The following ENOX1 variants were observed in gnomAD, a reference collection of about 807,000 sequenced individuals.
ENOX1 encodes ecto-NOX disulfide-thiol exchanger 1.
In ENOX1, 42 loss-of-function variants were observed where a neutral mutation model predicts 82.5. The ratio of observed to expected loss-of-function variants is 0.51; its 90% CI spans 0.40 to 0.66. ENOX1 has a LOEUF of 0.66. Among genes scored for constraint, ENOX1 ranks in the 30% least tolerant of loss-of-function variants. The probability of loss-of-function intolerance (pLI) is 0.00; values close to 1 mark genes in which losing one functional copy is unlikely to be tolerated. For missense variants in ENOX1, 608 were observed against 811.6 expected (o/e 0.75, Z 3.05); for synonymous variants, 271 against 282.2 (o/e 0.96, Z 0.40).
intron 16 of ENOX1, among the ~76,000 whole-genome samples, chr13:43,217,091 G>C (rs1238221708): frequency 6.6e-6 from 1 of 152,184 alleles, no homozygotes; most frequent in Non-Finnish European, 1.5e-5. Context: ...CCTCCTGGCT[G>C]TGGTGCCTTG....
chr13:43,705,409 GCAAA>G (rs1339197357), intron 1 of ENOX1, among the ~76,000 whole-genome samples: 2 of 142,786 alleles, frequency 1.4e-5, no homozygotes, highest in Non-Finnish European at 3.1e-5. Context: ...AGATAAGAAA[GCAAA>G]CAAATACATG....
intron 1 of ENOX1, among the ~76,000 whole-genome samples, chr13:43,743,497 T>C (rs1426192872): frequency 6.6e-6 from 1 of 152,186 alleles, no homozygotes; most frequent in Non-Finnish European, 1.5e-5. Flanking sequence ...GGTTCTCAGG[T>C]ATAAATCCTC....
intron 2 of ENOX1, among the ~76,000 whole-genome samples, chr13:43,633,684 GTGTA>G (rs1277870181): frequency 1.8e-4 from 8 of 45,648 alleles, no homozygotes; most frequent in Admixed American, 1.2e-3. Flanking sequence ...TTTAAAATGT[GTGTA>G]TGTGTGTGTG....
intron 3 of ENOX1, among the ~76,000 whole-genome samples, chr13:43,454,033 C>T (rs2057103281): frequency 6.6e-6 from 1 of 152,050 alleles, no homozygotes; most frequent in African/African-American, 2.4e-5. Flanking sequence ...CAGCTTCTTC[C>T]TCTCTTGTTT....
chr13:43,552,433 C>T (rs566940181), intron 2 of ENOX1, among the ~76,000 whole-genome samples: 1 of 151,982 alleles, frequency 6.6e-6, no homozygotes, highest in South Asian at 2.1e-4. Flanking sequence ...TAGCTTATTC[C>T]CTCCCTTCTT....
intron 8 of ENOX1, among the ~76,000 whole-genome samples, chr13:43,353,265 G>A (rs1257175389): frequency 6.6e-6 from 1 of 152,190 alleles, no homozygotes; most frequent in Non-Finnish European, 1.5e-5. Flanking sequence ...CATTGGACAG[G>A]ACATGGAGAG....
chr13:43,246,158 A>AT (rs948971802), intron 14 of ENOX1, among the ~76,000 whole-genome samples: 1 of 152,242 alleles, frequency 6.6e-6, no homozygotes, highest in Admixed American at 6.5e-5. Context: ...CTCAATTGTC[A>AT]TAAGTGCTCT....
intron 2 of ENOX1, among the ~76,000 whole-genome samples, chr13:43,627,781 C>T (rs188082828): frequency 7.9e-5 from 12 of 151,154 alleles, no homozygotes; most frequent in East Asian, 2.0e-4. Flanking sequence ...TTTTTCAAAT[C>T]GCATTTCTAG....
intron 2 of ENOX1, among the ~76,000 whole-genome samples, chr13:43,597,146 A>G (rs1297588369): frequency 2.6e-5 from 4 of 152,172 alleles, no homozygotes; most frequent in Admixed American, 2.0e-4. Flanking sequence ...CTTATCAGAT[A>G]ACCAGATCTT....
intron 2 of ENOX1, among the ~76,000 whole-genome samples, chr13:43,555,470 G>A (rs1403668483): frequency 6.6e-6 from 1 of 152,210 alleles, no homozygotes. Flanking sequence ...AATTGCTGAG[G>A]AAAGGCCAAA....
chr13:43,282,840 C>T (rs1423003545), intron 12 of ENOX1, among the ~76,000 whole-genome samples: 2 of 151,910 alleles, frequency 1.3e-5, no homozygotes, highest in Non-Finnish European at 2.9e-5. Context: ...TGCCTGTAAT[C>T]CCAGCACTTT....
intron 1 of ENOX1, among the ~76,000 whole-genome samples, chr13:43,711,433 C>T (rs1257779884): frequency 2.0e-5 from 3 of 152,100 alleles, no homozygotes; most frequent in African/African-American, 7.2e-5. Context: ...TGGGTATATA[C>T]CCAGTAATGG....
intron 12 of ENOX1, among the ~76,000 whole-genome samples, chr13:43,293,177 C>A (rs772682700): frequency 2.0e-5 from 3 of 152,028 alleles, no homozygotes; most frequent in Non-Finnish European, 4.4e-5. Context: ...GAGGTTACCA[C>A]CCCCCTCACA....
intron 2 of ENOX1, among the ~76,000 whole-genome samples, chr13:43,633,733 G>A (rs1243352426): frequency 6.6e-6 from 1 of 151,334 alleles, no homozygotes; most frequent in Non-Finnish European, 1.5e-5. Flanking sequence ...GGTTGATAGT[G>A]TATATATGTA....
At chr13:43,457,881 A>G (rs1290259242) in intron 3 of ENOX1, among the ~76,000 whole-genome samples, 1 of 152,054 alleles carries the variant, frequency 6.6e-6, no homozygotes, top group Admixed American at 6.5e-5. Context: ...GACTCTTACC[A>G]CTCTGAAATA....
chr13:43,290,116 A>T (rs1422256233), intron 12 of ENOX1, among the ~76,000 whole-genome samples: 1 of 152,208 alleles, frequency 6.6e-6, no homozygotes, highest in African/African-American at 2.4e-5. Context: ...ACACTTATAC[A>T]CTGTTGGTAG....
chr13:43,674,137 C>A (rs974054476), intron 1 of ENOX1, among the ~76,000 whole-genome samples: 1 of 152,146 alleles, frequency 6.6e-6, no homozygotes, highest in Admixed American at 6.5e-5. Context: ...CTAAAAAGAA[C>A]GAATGTCCAA....
At chr13:43,517,762 G>C (rs1319716044) in intron 2 of ENOX1, among the ~76,000 whole-genome samples, 2 of 152,040 alleles carry the variant, frequency 1.3e-5, no homozygotes, top group Admixed American at 1.3e-4. Context: ...CAGTGGTGCG[G>C]GCCTTTGGGA....
intron 2 of ENOX1, among the ~76,000 whole-genome samples, chr13:43,569,576 A>G (rs1339389405): frequency 6.6e-6 from 1 of 152,130 alleles, no homozygotes; most frequent in Admixed American, 6.6e-5. Flanking sequence ...GTCCCCTGGC[A>G]TTACTGCATG....
Sources: allele counts gnomAD v4.1 joint callset (sites outside exome capture counted in the v4.1 genomes callset), GRCh38; gene constraint gnomAD v4.1.1; transcripts MANE v1.5; gene names NCBI Gene and HGNC (gene_info 2026-07-23, HGNC 2026-07-21).